The following TMPRSS15 variants were observed in gnomAD, a reference collection of about 807,000 sequenced individuals.
TMPRSS15 encodes enteropeptidase.
A neutral mutation model predicts 125.3 loss-of-function variants in TMPRSS15; 128 were observed. The ratio of observed to expected loss-of-function variants is 1.02; its 90% confidence interval spans 0.89 to 1.18. The LOEUF (loss-of-function observed/expected upper bound fraction) is 1.18, where lower values mean the gene tolerates loss of function less well. Ranked by LOEUF, TMPRSS15 falls within the 50% of genes most tolerant of loss-of-function variation. The pLI, the probability that TMPRSS15 is intolerant of heterozygous loss-of-function variation, is 0.00. For synonymous variants in TMPRSS15, 446 were observed against 423.2 expected, an observed-to-expected ratio of 1.05 and a Z score of -0.66; for missense variants, 1,283 against 1,212.7, an observed-to-expected ratio of 1.06 and a Z score of -0.86.
intron 1 of TMPRSS15, among the ~76,000 whole-genome samples, chr21:18,428,141 CCTTT>C (rs2076207520): frequency 6.6e-6 from 1 of 152,106 alleles, no homozygotes; most frequent in Non-Finnish European, 1.5e-5. Flanking sequence ...AGATATGAAG[CCTTT>C]CTTTTAGAAT....
intron 16 of TMPRSS15, among the ~76,000 whole-genome samples, chr21:18,320,320 G>A (rs1399637010): frequency 6.6e-6 from 1 of 152,018 alleles, no homozygotes; most frequent in Non-Finnish European, 1.5e-5. Flanking sequence ...TATACTTACA[G>A]AATGTTAGTC....
Position 18,313,046 on chromosome 21 carries a change from ATT to A in TMPRSS15, c.2062_2063del (p.Asn688TrpfsTer17), listed in dbSNP as rs976075522. The A allele has an allele frequency of 1.1e-5, 17 of 1,613,890 alleles. No individual in the cohort carries two copies. The highest frequency in any genetic ancestry group is 1.3e-5 in the African/African-American group (1 of 74,898). On this transcript the variant is annotated frameshift_variant, in exon 18 of 25. Coordinates refer to ENST00000284885, the MANE Select transcript of TMPRSS15 (RefSeq NM_002772.3). LOFTEE classifies it high-confidence loss of function. ...TCTGGATTCTGAACCGCACTAAACC[ATT>A]GTTGTTCGTTGTGCCATTGAAAAAA... ...VRFFNGTTNN[N>X]GLVRFRIQSI...
At chr21:18,300,006 A>C (rs1568991927) in intron 18 of TMPRSS15, among the ~76,000 whole-genome samples, 1 of 152,138 alleles carries the variant, frequency 6.6e-6, no homozygotes, top group Non-Finnish European at 1.5e-5. Context: ...CTAGTTACCC[A>C]ATAATCTGTT....
intron 13 of TMPRSS15, among the ~76,000 whole-genome samples, chr21:18,338,638 G>A (rs949976363): frequency 7.9e-5 from 12 of 151,676 alleles, no homozygotes; most frequent in African/African-American, 2.9e-4. Context: ...TTTAGTTTTG[G>A]TACCAAAATT....
At chr21:18,477,283 A>G (rs1398690717) in intron 1 of TMPRSS15, 1 of 152,084 alleles carries the variant, frequency 6.6e-6, no homozygotes, top group Non-Finnish European at 1.5e-5. Flanking sequence ...ACCAATTGTG[A>G]CTCACTTCCA....
Position 18,353,901 on chromosome 21 carries a change from C to T in TMPRSS15, c.881-38G>A, listed in dbSNP as rs1439649351. The T allele has an allele frequency of 3.2e-6, 5 of 1,578,882 alleles. No homozygotes were observed. The South Asian group carries it at 4.4e-5, about 14-fold the overall frequency. ...ATAAACAACTGTTATATGTATATAT[C>T]TATCTGTTCATCTCTCTATCCATCC... On this transcript the variant is annotated intron_variant, in intron 8 of 24. Transcript: ENST00000284885.
At chr21:18,303,736 G>C (rs962603018) in intron 18 of TMPRSS15, among the ~76,000 whole-genome samples, 4 of 152,100 alleles carry the variant, frequency 2.6e-5, no homozygotes, top group African/African-American at 9.7e-5. Context: ...TTTGGCAGAT[G>C]ATTTGTAATT....
In TMPRSS15 at chr21:18,398,116, G is replaced by A. The variant is rs2076056750; in HGVS notation, c.276+83C>T. The A allele has an allele frequency of 3.3e-6, 5 of 1,506,428 alleles. No homozygotes were observed. In the Admixed American group the frequency reaches 6.7e-5, roughly 20 times the overall value. 93.3% of individuals were successfully genotyped at this position (1,506,428 alleles called of 1,614,324 possible). A position where few individuals can be genotyped will look rare whatever the true frequency, so the allele number is the denominator to read the frequency against. ...TTGGGCATATTACATTTATTCTCTA[G>A]TTGTTTCACAGTGAGAAAATGGTGT... is the stretch of plus-strand genomic sequence containing the variant. On this transcript the variant is annotated intron_variant, in intron 2 of 24. Coordinates refer to ENST00000284885, the MANE Select transcript of TMPRSS15 (RefSeq NM_002772.3).
rs1049189934 is a variant in TMPRSS15, at chr21:18,381,364, T to C, written c.497-2046A>G. On this transcript the variant is annotated intron_variant, in intron 4 of 24. Transcript: ENST00000284885. The stretch of plus-strand genomic sequence containing the variant: ...TTTATGTGACTTTTCATAAATAATA[T>C]GGTTAAATTTTTTATGTTTGACAGT... Among the ~76,000 whole-genome samples the C allele has an allele frequency of 7.9e-5, 12 of 152,232 alleles. No individual in the cohort carries two copies. In the East Asian group the frequency reaches 2.3e-3, roughly 29 times the overall value.
chr21:18,406,618 A>T (rs2076152540), upstream of TMPRSS15, among the ~76,000 whole-genome samples: 1 of 152,208 alleles, frequency 6.6e-6, no homozygotes, highest in Admixed American at 6.5e-5. Context: ...TAATAAAAAT[A>T]AAAAACTGAC....
chr21:18,412,570 T>A (rs1371035782), intron 1 of TMPRSS15, among the ~76,000 whole-genome samples: 1 of 152,218 alleles, frequency 6.6e-6, no homozygotes. Flanking sequence ...TTGGGTAATA[T>A]TTCGTACTAG....
chr21:18,440,392 A>G (rs1169616328), intron 1 of TMPRSS15, among the ~76,000 whole-genome samples: 1 of 148,236 alleles, frequency 6.7e-6, no homozygotes, highest in Admixed American at 6.8e-5. Flanking sequence ...AAAAAAAAGA[A>G]AACTGTAGTG....
At chr21:18,454,797 T>C (rs1399779395) in intron 1 of TMPRSS15, among the ~76,000 whole-genome samples, 1 of 152,142 alleles carries the variant, frequency 6.6e-6, no homozygotes, top group Non-Finnish European at 1.5e-5. Flanking sequence ...CTTTACTCAA[T>C]CTACTGATTC....
At chr21:18,390,488 G>T (rs1052191579) in intron 3 of TMPRSS15, among the ~76,000 whole-genome samples, 2 of 152,252 alleles carry the variant, frequency 1.3e-5, no homozygotes, top group Admixed American at 6.5e-5. Context: ...ATATGCTGTG[G>T]TGGGCATTAG....
intron 1 of TMPRSS15, among the ~76,000 whole-genome samples, chr21:18,437,502 G>A (rs1383934726): frequency 6.6e-6 from 1 of 152,148 alleles, no homozygotes; most frequent in African/African-American, 2.4e-5. Context: ...AAGAGCTTCT[G>A]CACAGCGAAA....
chr21:18,287,331 C>A (rs1346181730), intron 21 of TMPRSS15, among the ~76,000 whole-genome samples: 1 of 152,124 alleles, frequency 6.6e-6, no homozygotes, highest in African/African-American at 2.4e-5. Flanking sequence ...AGGTAACGGG[C>A]AGAGTTGCGT....
chr21:18,359,697 C>A, intron 8 of TMPRSS15, 60 bp downstream of exon 8: 2 of 809,116 alleles, frequency 2.5e-6, no homozygotes, highest in South Asian at 1.5e-5. Context: ...ACATACCACT[C>A]CAAAAATTTA....
intron 1 of TMPRSS15, among the ~76,000 whole-genome samples, chr21:18,430,325 C>T (rs1178845451): frequency 6.6e-6 from 1 of 152,112 alleles, no homozygotes; most frequent in Non-Finnish European, 1.5e-5. Context: ...CTGTCCAAAA[C>T]ATTTGGTCCC....
In TMPRSS15 at chr21:18,403,714, A is replaced by C; in HGVS notation, c.-92T>G. On this transcript the variant is annotated 5_prime_UTR_variant, in exon 1 of 25. Coordinates refer to ENST00000284885, the MANE Select transcript of TMPRSS15 (RefSeq NM_002772.3). ...AGAAAAATCTCTCAAATTTTTAAAG[A>C]TGTGTAAAGCAACAACCACCTGTCT... 1 of 1,540,522 alleles carries C rather than the reference A, an allele frequency of 6.5e-7. No homozygotes were observed. Among genetic ancestry groups the C allele is most frequent in the African/African-American group, 1.4e-5 (1 of 72,950 alleles).
Sources: allele counts gnomAD v4.1 joint callset (sites outside exome capture counted in the v4.1 genomes callset), GRCh38; gene constraint gnomAD v4.1.1; transcripts MANE v1.5; gene names NCBI Gene and HGNC (gene_info 2026-07-23, HGNC 2026-07-21).